HAAO: variants seen among roughly 807,000 people sequenced by gnomAD.
The protein encoded by HAAO is 3-hydroxyanthranilate oxygenase.
A neutral mutation model predicts 46.2 loss-of-function variants in HAAO; 49 were observed. That is an observed-to-expected ratio of 1.06 (90% CI 0.84 to 1.34). HAAO has a LOEUF of 1.34. Ranked by LOEUF, HAAO falls within the 40% of genes most tolerant of loss-of-function variation. The probability of loss-of-function intolerance (pLI) is 0.00; values close to 1 mark genes in which losing one functional copy is unlikely to be tolerated. For missense variants in HAAO, 408 were observed against 364.5 expected (o/e 1.12, Z -0.97); for synonymous variants, 157 against 145.2 (o/e 1.08, Z -0.58).
intron 7 of HAAO, among the ~76,000 whole-genome samples, chr2:42,768,632 C>T (rs889447670): frequency 2.6e-5 from 4 of 152,156 alleles, no homozygotes; most frequent in Admixed American, 2.6e-4. Context: ...TGGGATGTGC[C>T]AGTGGCAAGC....
rs1333912759 is a variant in HAAO, at chr2:42,770,607, C to T, written c.351-25G>A. 12 of 1,478,588 alleles carry T rather than the reference C, an allele frequency of 8.1e-6. No homozygotes were observed. The Admixed American group carries it at 2.4e-4, about 30-fold the overall frequency. The allele number at this position is 1,478,588 out of a possible 1,614,324, so 91.6% of individuals were successfully genotyped here. A position where few individuals can be genotyped will look rare whatever the true frequency, so the allele number is the denominator to read the frequency against. On this transcript the variant is annotated intron_variant, in intron 4 of 9. Coordinates refer to ENST00000294973, the MANE Select transcript of HAAO (RefSeq NM_012205.3). ...CCTGCCAGAGCAGAGGACAGGCAAC[C>T]CTGCTGTCCCCATCTGGGTGGCTTC...
At chr2:42,791,578 C>T (rs144413891) in intron 1 of HAAO, among the ~76,000 whole-genome samples, 34 of 152,246 alleles carry the variant, frequency 2.2e-4, no homozygotes, top group African/African-American at 6.7e-4. Flanking sequence ...ACAGGCGCTC[C>T]GTGACACTAG....
intron 4 of HAAO, among the ~76,000 whole-genome samples, chr2:42,778,266 T>G (rs1671739994): frequency 1.3e-5 from 2 of 152,250 alleles, no homozygotes; most frequent in Non-Finnish European, 2.9e-5. Context: ...TATGTGCTTT[T>G]AATGTCCTTG....
At chr2:42,771,336 G>A (rs1438357559) in intron 4 of HAAO, among the ~76,000 whole-genome samples, 3 of 151,992 alleles carry the variant, frequency 2.0e-5, no homozygotes, top group Non-Finnish European at 2.9e-5. Flanking sequence ...GCCGAGGCAG[G>A]AGAATTGCTT....
At chr2:42,785,855 C>A (rs911230265) in intron 2 of HAAO, among the ~76,000 whole-genome samples, 1 of 152,016 alleles carries the variant, frequency 6.6e-6, no homozygotes, top group Non-Finnish European at 1.5e-5. Flanking sequence ...GAGTGAGACC[C>A]CCATCTCTAA....
intron 4 of HAAO, among the ~76,000 whole-genome samples, chr2:42,775,220 C>T (rs1671451969): frequency 7.4e-6 from 1 of 135,108 alleles, no homozygotes; most frequent in Admixed American, 8.5e-5. Context: ...ACACTTCAGC[C>T]TGGGTGACAG....
chr2:42,770,969 C>T (rs776551761), intron 4 of HAAO, among the ~76,000 whole-genome samples: 26 of 152,336 alleles, frequency 1.7e-4, no homozygotes, highest in Middle Eastern at 3.4e-3. Context: ...AGCATCTAAT[C>T]GCAGTTCTTT....
chr2:42,782,130 A>T (rs1039057422), intron 4 of HAAO, among the ~76,000 whole-genome samples: 2 of 152,094 alleles, frequency 1.3e-5, no homozygotes, highest in Non-Finnish European at 2.9e-5. Context: ...AATGTTTTCA[A>T]TTTTTTTACT....
intron 4 of HAAO, among the ~76,000 whole-genome samples, chr2:42,775,364 A>C (rs1671471387): frequency 6.6e-6 from 1 of 152,106 alleles, no homozygotes; most frequent in South Asian, 2.1e-4. Context: ...GATTTACATA[A>C]ACAAGGCCAC....
At chr2:42,773,110 C>T (rs1429206455) in intron 4 of HAAO, among the ~76,000 whole-genome samples, 1 of 152,194 alleles carries the variant, frequency 6.6e-6, no homozygotes. Context: ...ATTTTCTTCC[C>T]CTCTTTGGTG....
intron 3 of HAAO, 100 bp from the exon 4 acceptor site, chr2:42,783,520 C>T (rs1214099670): frequency 2.6e-6 from 2 of 766,176 alleles, no homozygotes; most frequent in East Asian, 2.7e-5. Flanking sequence ...CCCCGGGCAG[C>T]AAAGGGGTAC....
At chr2:42,787,071 C>G (rs1193147852) in intron 2 of HAAO, among the ~76,000 whole-genome samples, 1 of 152,184 alleles carries the variant, frequency 6.6e-6, no homozygotes, top group Non-Finnish European at 1.5e-5. Context: ...AGCCCTGTCA[C>G]AAGCCCACCT....
At chr2:42,786,603 G>A (rs1204031752) in intron 2 of HAAO, among the ~76,000 whole-genome samples, 3 of 152,212 alleles carry the variant, frequency 2.0e-5, no homozygotes, top group East Asian at 1.9e-4. Context: ...GGCTTGGAGA[G>A]GTGACATGAT....
rs915453165 is a variant in HAAO at position 42,767,224 on chromosome 2, G to A, written c.*213C>T. ...CAAGACTGGCAAGGCAGTGGGCTGA[G>A]TCTGCCAGAGAAGATGGGGAGCTGC... On this transcript the variant is annotated 3_prime_UTR_variant, in exon 10 of 10. Transcript: ENST00000294973. The A allele has an allele frequency of 8.2e-6, 5 of 612,526 alleles. No homozygotes were observed. The highest frequency in any genetic ancestry group is 7.3e-5 in the African/African-American group (4 of 54,456). 37.9% of individuals were successfully genotyped at this position (612,526 alleles called of 1,614,324 possible). A position where few individuals can be genotyped will look rare whatever the true frequency, so the allele number is the denominator to read the frequency against.
chr2:42,776,231 CT>C (rs57398023), intron 4 of HAAO, among the ~76,000 whole-genome samples: 11,059 of 71,508 alleles, frequency 0.15, 234 homozygotes, highest in Non-Finnish European at 0.19. Flanking sequence ...TGGCATCCAT[CT>C]TTTTTTTTTT....
Position 42,767,586 on chromosome 2 carries a change from C to T in HAAO, c.782+9G>A, listed in dbSNP as rs369882299. On this transcript the variant is annotated intron_variant, in intron 9 of 9. Coordinates refer to ENST00000294973, the MANE Select transcript of HAAO (RefSeq NM_012205.3). ...AGGATCCCAGGGAAAGCCCTCCCTG[C>T]GTACTCACGAGGTCCCAGCTAGCAC... 14 of 1,578,062 alleles carry T rather than the reference C, an allele frequency of 8.9e-6. No individual in the cohort carries two copies. Among genetic ancestry groups the T allele is most frequent in the African/African-American group, 6.7e-5 (5 of 74,252 alleles).
Position 42,787,369 on chromosome 2 carries a change from G to A in HAAO, c.159+1160C>T, listed in dbSNP as rs368365073. Reference sequence around the variant, plus strand: ...AAGGCAGAAGCCTCTGGAAGACTCCGCAGCCAGCTGTGCCTCCCATGCCAT... The same window carrying A: ...AAGGCAGAAGCCTCTGGAAGACTCCACAGCCAGCTGTGCCTCCCATGCCAT... On this transcript the variant is annotated intron_variant, in intron 2 of 9. Coordinates refer to ENST00000294973, the MANE Select transcript of HAAO (RefSeq NM_012205.3). Among the ~76,000 whole-genome samples, 13 of 152,152 alleles carry A rather than the reference G, an allele frequency of 8.5e-5. No homozygotes were observed. In the South Asian group the frequency reaches 1.9e-3, roughly 22 times the overall value.
At chr2:42,770,000 G>C in intron 6 of HAAO, 142 bp from the exon 7 acceptor site, 2 of 1,122,600 alleles carry the variant, frequency 1.8e-6, no homozygotes, top group Non-Finnish European at 1.3e-6. Context: ...CCATGTGGGA[G>C]GTACCATTGG....
chr2:42,788,914 A>G, intron 1 of HAAO: 2 of 377,752 alleles, frequency 5.3e-6, no homozygotes, highest in Non-Finnish European at 9.9e-6. Flanking sequence ...GGATCACAGG[A>G]TCAAGATCTC....
Sources: gnomAD v4.1 joint callset for allele counts (sites outside exome capture counted in the v4.1 genomes callset) on GRCh38, gnomAD v4.1.1 for gene constraint, MANE v1.5 for transcripts, NCBI Gene and HGNC (gene_info 2026-07-23, HGNC 2026-07-21) for gene names.